Variants in CCDC149 observed in about 807,000 individuals in gnomAD.
CCDC149 encodes coiled-coil domain containing 149.
In CCDC149, 45 loss-of-function variants were observed where a neutral mutation model predicts 59.9. That is an observed-to-expected ratio of 0.75 (90% CI 0.59 to 0.96). The LOEUF (loss-of-function observed/expected upper bound fraction) is 0.96, where lower values mean the gene tolerates loss of function less well. Ranked by LOEUF, CCDC149 falls within the 40% of genes least tolerant of loss-of-function variation. CCDC149 has a pLI of 0.00. For missense variants in CCDC149, 584 were observed against 664.7 expected, an observed-to-expected ratio of 0.88 and a Z score of 1.33; for synonymous variants, 245 against 260.6, an observed-to-expected ratio of 0.94 and a Z score of 0.58.
chr4:24,864,898 C>T (rs1279587619), intron 3 of CCDC149, among the ~76,000 whole-genome samples: 1 of 152,166 alleles, frequency 6.6e-6, no homozygotes, highest in Non-Finnish European at 1.5e-5. Flanking sequence ...CTTGTATTCA[C>T]AGGTTCTGCA....
chr4:24,848,921 T>C (rs1410544552), intron 4 of CCDC149, among the ~76,000 whole-genome samples: 1 of 152,170 alleles, frequency 6.6e-6, no homozygotes, highest in African/African-American at 2.4e-5. Context: ...TGGGCTCTGA[T>C]TGATGGCAAC....
intron 1 of CCDC149, among the ~76,000 whole-genome samples, chr4:24,896,751 A>T (rs1720868146): frequency 6.6e-6 from 1 of 152,190 alleles, no homozygotes; most frequent in Non-Finnish European, 1.5e-5. Context: ...TTGACTTACT[A>T]CCTTGAAAAG....
intron 1 of CCDC149, among the ~76,000 whole-genome samples, chr4:24,951,637 C>T (rs1723295012): frequency 6.6e-6 from 1 of 152,100 alleles, no homozygotes; most frequent in African/African-American, 2.4e-5. Flanking sequence ...CGACCAAATA[C>T]ATTTCCCATC....
chr4:24,828,421 G>T (rs1250281842), intron 9 of CCDC149: 1 of 152,130 alleles, frequency 6.6e-6, no homozygotes, highest in Non-Finnish European at 1.5e-5. Flanking sequence ...CCAGGAAGGG[G>T]ATTAAGGTAG....
chr4:24,894,068 T>C (rs1181604795), intron 1 of CCDC149, among the ~76,000 whole-genome samples: 2 of 152,204 alleles, frequency 1.3e-5, no homozygotes, highest in African/African-American at 4.8e-5. Context: ...ATCCCAGCTC[T>C]GGCTTTCCTT....
rs1033977701 is a variant in CCDC149 at position 24,807,670 on chromosome 4, C to A, written c.*719G>T. Reference sequence around the variant, plus strand: ...TTCCCCGGCTTTTATGCTCACCCCTCCCAGTCACTTCAGATCAGTTAATTC... The same window carrying A: ...TTCCCCGGCTTTTATGCTCACCCCTACCAGTCACTTCAGATCAGTTAATTC... On this transcript the variant is annotated 3_prime_UTR_variant, in exon 13 of 13. Transcript: ENST00000635206. 6 of 152,298 alleles carry A rather than the reference C, an allele frequency of 3.9e-5. No homozygotes were observed. The highest frequency in any genetic ancestry group is 1.4e-4 in the African/African-American group (6 of 41,456). The allele number at this position is 152,298 out of a possible 1,614,324, so 9.4% of individuals were successfully genotyped here.
At chr4:24,844,142 T>G (rs145476478) in intron 4 of CCDC149, among the ~76,000 whole-genome samples, 678 of 152,232 alleles carry the variant, frequency 4.5e-3, no homozygotes, top group African/African-American at 0.016. Flanking sequence ...CCTCTCTGTC[T>G]TCATCATACT....
intron 1 of CCDC149, among the ~76,000 whole-genome samples, chr4:24,937,481 G>T (rs1722818341): frequency 6.6e-6 from 1 of 152,218 alleles, no homozygotes; most frequent in Admixed American, 6.5e-5. Context: ...AGGTTATGCT[G>T]CAGTGACATA....
chr4:24,892,084 G>C (rs1032614471), intron 1 of CCDC149, among the ~76,000 whole-genome samples: 1 of 152,194 alleles, frequency 6.6e-6, no homozygotes, highest in Non-Finnish European at 1.5e-5. Context: ...TTAAATATAT[G>C]TCCAGGCTGA....
At chr4:24,911,657 A>G (rs1721877426) in intron 1 of CCDC149, among the ~76,000 whole-genome samples, 1 of 152,168 alleles carries the variant, frequency 6.6e-6, no homozygotes, top group African/African-American at 2.4e-5. Flanking sequence ...CAGTTAGGAG[A>G]GCTTTCAACT....
intron 4 of CCDC149, among the ~76,000 whole-genome samples, chr4:24,850,702 T>C (rs776353098): frequency 6.6e-6 from 1 of 151,614 alleles, no homozygotes; most frequent in Non-Finnish European, 1.5e-5. Flanking sequence ...GATGGAAGAG[T>C]TGGAGTAGAA....
intron 1 of CCDC149, among the ~76,000 whole-genome samples, chr4:24,955,280 G>C (rs989287700): frequency 6.6e-6 from 1 of 152,128 alleles, no homozygotes; most frequent in Non-Finnish European, 1.5e-5. Context: ...AGGGCAAAAA[G>C]GGCAAACTAC....
chr4:24,838,923 A>C (rs1716730501), intron 4 of CCDC149, among the ~76,000 whole-genome samples: 1 of 152,078 alleles, frequency 6.6e-6, no homozygotes, highest in Admixed American at 6.5e-5. Context: ...CCAGATAACA[A>C]GTCTATGATG....
chr4:24,902,415 G>T (rs1322973478), intron 1 of CCDC149, among the ~76,000 whole-genome samples: 1 of 152,178 alleles, frequency 6.6e-6, no homozygotes, highest in Non-Finnish European at 1.5e-5. Flanking sequence ...ACATCCTGCT[G>T]CCTGGCTTTT....
At position 24,903,024 on chromosome 4, in the gene CCDC149, C is replaced by CAAA. The variant is rs10646050; in HGVS notation, c.63+9790_63+9792dup. ...TGGGCAACAGAGTGAGAGTCTAACTCAAAAAAAAAAAAAAAAAAAAAAAGA... is the reference window on the plus strand; with the variant it reads ...TGGGCAACAGAGTGAGAGTCTAACTCAAAAAAAAAAAAAAAAAAAAAAAAAAGA... On this transcript the variant is annotated intron_variant, in intron 1 of 12. Transcript: ENST00000635206. 5.2e-3 allele frequency among the ~76,000 whole-genome samples: 272 copies of CAAA among 52,496 alleles called. 22 individuals carry two copies. The highest frequency in any genetic ancestry group is 0.017 in the African/African-American group (216 of 12,940). The allele number at this position is 52,496 out of a possible 152,430, so 34.4% of individuals were successfully genotyped here.
chr4:24,916,622 G>A (rs1722127420), upstream of CCDC149, among the ~76,000 whole-genome samples: 1 of 152,126 alleles, frequency 6.6e-6, no homozygotes, highest in South Asian at 2.1e-4. Flanking sequence ...CTCATTAAAG[G>A]AAACTAAGCA....
rs1446938181 is a variant in CCDC149 at position 24,922,210 on chromosome 4, A to C, written c.-64-27092T>G. 2.0e-5 allele frequency among the ~76,000 whole-genome samples: 3 copies of C among 152,180 alleles called. No homozygotes were observed. In the East Asian group the frequency reaches 5.8e-4, roughly 29 times the overall value. ...CCCTATTTCAGCATATGAATTTGGG[A>C]GGAGGGCACAATCCAGCCCTTACAG... On this transcript the variant is annotated intron_variant, in intron 1 of 12. Transcript: ENST00000389609.
intron 1 of CCDC149, among the ~76,000 whole-genome samples, chr4:24,938,412 G>T (rs199765528): frequency 6.6e-6 from 1 of 152,142 alleles, no homozygotes; most frequent in African/African-American, 2.4e-5. Context: ...AATAAATTCT[G>T]GGGGGATGGA....
At chr4:24,931,140 AT>A (rs1560260279) in intron 1 of CCDC149, among the ~76,000 whole-genome samples, 2 of 150,838 alleles carry the variant, frequency 1.3e-5, no homozygotes, top group African/African-American at 4.9e-5. Flanking sequence ...TCCCATTTCT[AT>A]TTTTTTAGGC....
Sources: gnomAD v4.1 joint callset for allele counts (sites outside exome capture counted in the v4.1 genomes callset) on GRCh38, gnomAD v4.1.1 for gene constraint, MANE v1.5 for transcripts, NCBI Gene and HGNC (gene_info 2026-07-23, HGNC 2026-07-21) for gene names.